TNIP3: variants seen among roughly 807,000 people sequenced by gnomAD.
TNIP3 encodes TNFAIP3-interacting protein 3.
In TNIP3, 34 loss-of-function variants were observed where a neutral mutation model predicts 54.1. The observed-to-expected ratio is 0.63, with a 90% CI of 0.48 to 0.84. TNIP3 has a LOEUF of 0.84. Among genes scored for constraint, TNIP3 ranks in the 40% least tolerant of loss-of-function variants. The pLI is 0.00. For synonymous variants in TNIP3, 134 were observed against 136.8 expected, an observed-to-expected ratio of 0.98 and a Z score of 0.14; for missense variants, 366 against 387.6, an observed-to-expected ratio of 0.94 and a Z score of 0.47.
chr4:121,215,015 C>T (rs1028770964), intron 2 of TNIP3, among the ~76,000 whole-genome samples: 1 of 152,036 alleles, frequency 6.6e-6, no homozygotes, highest in East Asian at 1.9e-4. Context: ...CAATTGAAGG[C>T]TAAAATGCTT....
intron 2 of TNIP3, among the ~76,000 whole-genome samples, chr4:121,207,462 A>G (rs999235314): frequency 6.6e-6 from 1 of 152,208 alleles, no homozygotes; most frequent in Non-Finnish European, 1.5e-5. Context: ...GGATTAGGCA[A>G]TTAATTGTAC....
intron 1 of TNIP3, among the ~76,000 whole-genome samples, chr4:121,222,453 G>A (rs1727068835): frequency 6.6e-6 from 1 of 151,974 alleles, no homozygotes; most frequent in South Asian, 2.1e-4. Flanking sequence ...TATGTCTTTG[G>A]GCATATTATT....
rs1213131399 is a variant in TNIP3, at chr4:121,154,684, A to G, written c.364-5T>C. The G allele has an allele frequency of 1.3e-6, 2 of 1,596,806 alleles. No individual in the cohort carries two copies. Among genetic ancestry groups the G allele is most frequent in the Non-Finnish European group, 1.7e-6 (2 of 1,174,264 alleles). ...ATTTAGGCGTTCCTTTTCCTTCTGA[A>G]GTTAAGACCAAGAAAAGAAAATAAA... On this transcript the variant is annotated splice_polypyrimidine_tract_variant and splice_region_variant and intron_variant, in intron 4 of 10. Transcript: ENST00000057513.
At chr4:121,192,537 C>G (rs1379970759) in intron 2 of TNIP3, among the ~76,000 whole-genome samples, 1 of 152,064 alleles carries the variant, frequency 6.6e-6, no homozygotes, top group Non-Finnish European at 1.5e-5. Flanking sequence ...GAGAACTGCT[C>G]CTGAAAAGCT....
chr4:121,190,060 C>T (rs982131252), intron 2 of TNIP3, among the ~76,000 whole-genome samples: 3 of 152,162 alleles, frequency 2.0e-5, no homozygotes, highest in African/African-American at 2.4e-5. Flanking sequence ...GTGTAGAAAC[C>T]ACATCCTCCT....
chr4:121,151,521 A>C (rs1049269867), intron 5 of TNIP3, among the ~76,000 whole-genome samples: 1 of 152,216 alleles, frequency 6.6e-6, no homozygotes, highest in Non-Finnish European at 1.5e-5. Flanking sequence ...TTAAAGAAGC[A>C]ACAAAAGTAG....
chr4:121,169,031 T>C (rs1730926196), upstream of TNIP3, among the ~76,000 whole-genome samples: 2 of 152,110 alleles, frequency 1.3e-5, no homozygotes, highest in Non-Finnish European at 2.9e-5. Flanking sequence ...CTTCTATTTT[T>C]GCTTCCACTC....
intron 2 of TNIP3, among the ~76,000 whole-genome samples, chr4:121,208,162 C>T (rs570363941): frequency 1.3e-5 from 2 of 152,144 alleles, no homozygotes; most frequent in African/African-American, 4.8e-5. Flanking sequence ...ATATACAACC[C>T]TTTCCCAAAA....
Position 121,132,562 on chromosome 4 carries a change from T to C in TNIP3, c.*69A>G. On this transcript the variant is annotated 3_prime_UTR_variant, in exon 11 of 11. Transcript: ENST00000057513. ...TTTGTGGCAGAAACAAGCCTCAGTA[T>C]AAACAAAGAAGAGGGTCCTCAGCCA... The C allele has an allele frequency of 7.0e-7, 1 of 1,435,586 alleles. No homozygotes were observed. Among genetic ancestry groups the C allele is most frequent in the Non-Finnish European group, 9.8e-7 (1 of 1,021,006 alleles). The allele number at this position is 1,435,586 out of a possible 1,614,324, so 88.9% of individuals were successfully genotyped here.
At position 121,164,188 on chromosome 4, in the gene TNIP3, G is replaced by T. The variant is rs769763587; in HGVS notation, c.-63C>A. The T allele has an allele frequency of 2.5e-6, 4 of 1,611,328 alleles. No individual in the cohort carries two copies. The highest frequency in any genetic ancestry group is 2.5e-6 in the Non-Finnish European group (3 of 1,178,994). ...AAAAACAGGGGAAAAGTCTCTTAAG[G>T]TATATTTTAGGGTGAGAGCAAGTAT... On this transcript the variant is annotated 5_prime_UTR_variant, in exon 1 of 11. Transcript: ENST00000057513.
rs770315168 is a variant in TNIP3 at position 121,138,609 on chromosome 4, C to T, written c.946+15G>A. The stretch of plus-strand genomic sequence containing the variant: ...TGTAAACATGAAAGAATGCTCAATA[C>T]AGCTGTGGTCTCACCATTTGCCTTG... On this transcript the variant is annotated intron_variant, in intron 10 of 10. Coordinates refer to ENST00000057513, the MANE Select transcript of TNIP3 (RefSeq NM_024873.6). 4 of 1,611,598 alleles carry T rather than the reference C, an allele frequency of 2.5e-6. No individual in the cohort carries two copies. The African/African-American group carries it at 5.3e-5, about 22-fold the overall frequency.
chr4:121,216,301 C>T, intron 2 of TNIP3: 1 of 855,466 alleles, frequency 1.2e-6, no homozygotes, highest in Non-Finnish European at 1.8e-6. Flanking sequence ...TATATAGCTC[C>T]ATTCAGACAG....
At chr4:121,195,761 C>T (rs1186807834) in intron 2 of TNIP3, among the ~76,000 whole-genome samples, 1 of 152,146 alleles carries the variant, frequency 6.6e-6, no homozygotes, top group Non-Finnish European at 1.5e-5. Context: ...GATTACTTGG[C>T]AGCAATGGCA....
At chr4:121,191,950 A>G (rs1725329062) in intron 2 of TNIP3, among the ~76,000 whole-genome samples, 1 of 152,246 alleles carries the variant, frequency 6.6e-6, no homozygotes, top group Non-Finnish European at 1.5e-5. Context: ...TTATGAGTAT[A>G]TCTGGCATAT....
At chr4:121,195,852 A>G (rs1725545083) in intron 2 of TNIP3, among the ~76,000 whole-genome samples, 1 of 152,212 alleles carries the variant, frequency 6.6e-6, no homozygotes, top group East Asian at 1.9e-4. Context: ...ACCAGCAGGG[A>G]GTGAAGTGAA....
intron 3 of TNIP3, among the ~76,000 whole-genome samples, chr4:121,180,561 A>G (rs1004023558): frequency 1.3e-5 from 2 of 152,168 alleles, no homozygotes; most frequent in African/African-American, 4.8e-5. Flanking sequence ...AGCAGAGGGA[A>G]AGTTTTGGAT....
chr4:121,158,624 A>G (rs1416773210), intron 3 of TNIP3, 63 bp downstream of exon 3: 3 of 1,313,012 alleles, frequency 2.3e-6, no homozygotes, highest in African/African-American at 2.9e-5. Flanking sequence ...GAGACTCTTC[A>G]CACAATTGGC....
chr4:121,146,902 A>G, intron 7 of TNIP3, 147 bp downstream of exon 7: 1 of 765,776 alleles, frequency 1.3e-6, no homozygotes, highest in Non-Finnish European at 1.9e-6. Flanking sequence ...TCTCTTTACA[A>G]GATTGTTTAA....
At chr4:121,185,736 C>T (rs1389961643) in intron 2 of TNIP3, among the ~76,000 whole-genome samples, 1 of 152,188 alleles carries the variant, frequency 6.6e-6, no homozygotes, top group Non-Finnish European at 1.5e-5. Context: ...AATCAGTAAG[C>T]AAGGAAACAC....
Sources: allele counts gnomAD v4.1 joint callset (sites outside exome capture counted in the v4.1 genomes callset), GRCh38; gene constraint gnomAD v4.1.1; transcripts MANE v1.5; gene names NCBI Gene and HGNC (gene_info 2026-07-23, HGNC 2026-07-21).